The following PLD1 variants were observed in gnomAD, a reference collection of about 807,000 sequenced individuals.
PLD1 encodes the protein phospholipase D1.
PLD1 carries 112 observed loss-of-function variants against 137.1 expected under a neutral mutation model. The ratio of observed to expected loss-of-function variants is 0.82; its 90% CI spans 0.70 to 0.96. The LOEUF (loss-of-function observed/expected upper bound fraction) is 0.96, where lower values mean the gene tolerates loss of function less well. PLD1 is among the 40% of genes least tolerant of loss of function. The pLI is 0.00. For missense variants in PLD1, 1,321 were observed against 1,342.0 expected (o/e 0.98, Z 0.24); for synonymous variants, 431 against 454.7 (o/e 0.95, Z 0.66).
At position 171,765,396 on chromosome 3, in the gene PLD1, G is replaced by A. The variant is rs1203756554; in HGVS notation, c.-31-27314C>T. On this transcript the variant is annotated intron_variant, in intron 1 of 26. Coordinates refer to ENST00000351298, the MANE Select transcript of PLD1 (RefSeq NM_002662.5). ...TGAGAGTAATGAGCATGCTGGTGAA[G>A]TTGGTAGGTCTTCCTAGGAAGCAGT... The A allele has an allele frequency of 2.0e-5, 3 of 152,188 alleles. No homozygotes were observed. The East Asian group carries it at 5.8e-4, about 29-fold the overall frequency. The allele number at this position is 152,188 out of a possible 1,614,324, so 9.4% of individuals were successfully genotyped here.
At chr3:171,704,039 T>C (rs546463598) in intron 11 of PLD1, among the ~76,000 whole-genome samples, 9 of 152,104 alleles carry the variant, frequency 5.9e-5, no homozygotes, top group Non-Finnish European at 1.2e-4. Flanking sequence ...AGGGAAGCCA[T>C]GGGAAACTAA....
chr3:171,620,781 T>A (rs192618010), intron 23 of PLD1, among the ~76,000 whole-genome samples: 25,006 of 126,762 alleles, frequency 0.2, 2,750 homozygotes, highest in Admixed American at 0.27. Flanking sequence ...ATATATATTT[T>A]TTTTTTAATT....
In PLD1 at chr3:171,713,903, T is replaced by C; in HGVS notation, c.901A>G (p.Asn301Asp). The C allele has an allele frequency of 1.2e-6, 2 of 1,612,092 alleles. No homozygotes were observed. The highest frequency in any genetic ancestry group is 1.7e-6 in the Non-Finnish European group (2 of 1,178,390). Reference protein sequence around the residue: ...TETKYGIRIDNLSRTLILKCN... With the variant: ...TETKYGIRIDDLSRTLILKCN... The stretch of plus-strand genomic sequence containing the variant: ...ATTTGAAATGTGTACCTTGAAAGAT[T>C]ATCAATTCGGATTCCATATTTCGTT... The change falls in exon 9 of 27, where the codon AAT becomes GAT. Residue 301 changes from asparagine to aspartate, a missense_variant. Physicochemically the swap from Asn to Asp is conservative, Grantham distance 23. Coordinates refer to ENST00000351298, the MANE Select transcript of PLD1 (RefSeq NM_002662.5).
intron 20 of PLD1, among the ~76,000 whole-genome samples, chr3:171,659,667 G>A (rs1487277020): frequency 3.9e-5 from 6 of 152,176 alleles, no homozygotes; most frequent in Non-Finnish European, 8.8e-5. Context: ...AAATGCTTAT[G>A]ATTAAAAATT....
intron 1 of PLD1, among the ~76,000 whole-genome samples, chr3:171,763,830 C>CTTTTTTTTTTTTT (rs71178234): frequency 1.2e-5 from 1 of 86,722 alleles, no homozygotes; most frequent in African/African-American, 4.3e-5. Context: ...TTCTTTCTTT[C>CTTTTTTTTTTTTT]TTTTTTTTTT....
intron 25 of PLD1, among the ~76,000 whole-genome samples, chr3:171,610,573 T>C (rs1243681476): frequency 6.6e-6 from 1 of 152,208 alleles, no homozygotes; most frequent in Non-Finnish European, 1.5e-5. Flanking sequence ...ATTACACATT[T>C]AAAAAGTTAT....
chr3:171,691,316 T>C (rs1186567586), intron 13 of PLD1, among the ~76,000 whole-genome samples: 5 of 152,330 alleles, frequency 3.3e-5, no homozygotes, highest in Admixed American at 3.3e-4. Flanking sequence ...TTTAAAGTAA[T>C]TATTTGTAAG....
In PLD1 at chr3:171,697,115, A is replaced by G. The variant is rs181858634; in HGVS notation, c.1227+2630T>C. On this transcript the variant is annotated intron_variant, in intron 12 of 26. Transcript: ENST00000351298. ...CCTCCTGAGCCCTACCGAGGCATTT[A>G]CTAGCTTTCTCAAGTTAACTTAGAT... Among the ~76,000 whole-genome samples, 2 of 152,194 alleles carry G rather than the reference A, an allele frequency of 1.3e-5. 1 individual carries two copies. The highest frequency in any genetic ancestry group is 1.3e-4 in the Admixed American group (2 of 15,298).
intron 21 of PLD1, among the ~76,000 whole-genome samples, chr3:171,651,323 GGT>G (rs3050440): frequency 0.017 from 2,494 of 150,214 alleles, 49 homozygotes; most frequent in African/African-American, 0.042. Flanking sequence ...TAGGGCTTAG[GGT>G]GTGTGTGTGT....
At position 171,676,817 on chromosome 3, in the gene PLD1, G is replaced by A; in HGVS notation, c.2013C>T (p.Tyr671=). ...DKPFADFIDR[Y]STPRMPWHDI... ...CATGCCAGGGCATCCGGGGCGTGGAGTACCTGTCAATGAAATCTGCCCGGG... is the reference window on the plus strand; with the variant it reads ...CATGCCAGGGCATCCGGGGCGTGGAATACCTGTCAATGAAATCTGCCCGGG... The change falls in exon 18 of 27, where the codon TAC becomes TAT. Residue 671 remains tyrosine (Y), a synonymous_variant. Transcript: ENST00000351298. The A allele has an allele frequency of 6.2e-7, 1 of 1,613,650 alleles. No homozygotes were observed. Among genetic ancestry groups the A allele is most frequent in the Non-Finnish European group, 8.5e-7 (1 of 1,179,562 alleles).
chr3:171,776,147 G>A (rs946482449), intron 1 of PLD1, among the ~76,000 whole-genome samples: 5 of 152,206 alleles, frequency 3.3e-5, no homozygotes, highest in Admixed American at 6.5e-5. Context: ...ACCCAAACGT[G>A]CCTTGAAGCT....
chr3:171,736,020 T>C (rs751769046), intron 3 of PLD1, among the ~76,000 whole-genome samples: 15 of 152,098 alleles, frequency 9.9e-5, no homozygotes, highest in African/African-American at 2.4e-5. Flanking sequence ...CACCAGGCAA[T>C]TGGCAGGGGT....
intron 23 of PLD1, among the ~76,000 whole-genome samples, chr3:171,628,502 C>T (rs1297534314): frequency 6.6e-6 from 1 of 152,148 alleles, no homozygotes; most frequent in Non-Finnish European, 1.5e-5. Flanking sequence ...TCCTCCCTAA[C>T]TCATTTTATG....
intron 23 of PLD1, among the ~76,000 whole-genome samples, chr3:171,632,733 T>G (rs1158832422): frequency 6.6e-6 from 1 of 152,238 alleles, no homozygotes; most frequent in African/African-American, 2.4e-5. Flanking sequence ...TCTATAAATT[T>G]GAGATTATTT....
At chr3:171,764,894 A>G (rs1721776725) in intron 1 of PLD1, among the ~76,000 whole-genome samples, 1 of 26,972 alleles carries the variant, frequency 3.7e-5, no homozygotes, top group African/African-American at 1.5e-4. Flanking sequence ...AAAGAAAGAA[A>G]GGAAGGAAGG....
chr3:171,604,278 C>T (rs1732032351), intron 26 of PLD1, among the ~76,000 whole-genome samples: 1 of 149,012 alleles, frequency 6.7e-6, no homozygotes, highest in Admixed American at 6.7e-5. Context: ...CATGCCACTG[C>T]ACTCCAGCCT....
At position 171,773,431 on chromosome 3, in the gene PLD1, G is replaced by C. The variant is rs553729631; in HGVS notation, c.-31-35349C>G. On this transcript the variant is annotated intron_variant, in intron 1 of 26. Coordinates refer to ENST00000351298, the MANE Select transcript of PLD1 (RefSeq NM_002662.5). ...CATGGTGAAACCCCATCTAAACCCC[G>C]TCTCTACTAAAAATACAAAAATTAG... 2.0e-5 allele frequency among the ~76,000 whole-genome samples: 3 copies of C among 151,948 alleles called. No individual in the cohort carries two copies. In the East Asian group the frequency reaches 5.9e-4, roughly 30 times the overall value.
chr3:171,651,477 G>A (rs1196858436), intron 21 of PLD1, among the ~76,000 whole-genome samples: 1 of 151,906 alleles, frequency 6.6e-6, no homozygotes, highest in Non-Finnish European at 1.5e-5. Flanking sequence ...GATCCTTCTG[G>A]GCTTCAGTTT....
chr3:171,634,845 C>T (rs562384508), intron 23 of PLD1, among the ~76,000 whole-genome samples: 1 of 152,014 alleles, frequency 6.6e-6, no homozygotes, highest in Non-Finnish European at 1.5e-5. Context: ...AGTACATTCA[C>T]AAGGCCGTAC....
Sources: gnomAD v4.1 joint callset for allele counts (sites outside exome capture counted in the v4.1 genomes callset) on GRCh38, gnomAD v4.1.1 for gene constraint, MANE v1.5 for transcripts, NCBI Gene and HGNC (gene_info 2026-07-23, HGNC 2026-07-21) for gene names.